Variants in SPEM3 observed in about 807,000 individuals in gnomAD.
SPEM3 encodes uncharacterized protein SPEM3.
Position 7,431,156 on chromosome 17 carries a change from G to A in SPEM3, c.1985G>A (p.Cys662Tyr). The change falls in exon 3 of 3, where the codon TGT becomes TAT. Residue 662 changes from cysteine (C) to tyrosine (Y), a missense_variant. Coordinates refer to ENST00000636696, the MANE Select transcript of SPEM3 (RefSeq NM_001364708.1). ...QPLIQPQCPE[C>Y]HESLGLTQDS... is the part of the protein sequence containing the mutation. Reference sequence around the variant, plus strand: ...CTGATCCAACCCCAATGCCCTGAATGTCATGAGAGTCTAGGCCTTACCCAA... The same window carrying A: ...CTGATCCAACCCCAATGCCCTGAATATCATGAGAGTCTAGGCCTTACCCAA... The A allele has an allele frequency of 5.0e-6, 2 of 398,538 alleles. No homozygotes were observed. The highest frequency in any genetic ancestry group is 8.8e-6 in the Non-Finnish European group (2 of 226,122). 24.7% of individuals were successfully genotyped at this position (398,538 alleles called of 1,614,324 possible). A position where few individuals can be genotyped will look rare whatever the true frequency, so the allele number is the denominator to read the frequency against.
rs4796305 is a variant in SPEM3, at chr17:7,432,736, T to G, written c.3565T>G (p.Ser1189Ala). The G allele has an allele frequency of 0.075, 29,757 of 398,586 alleles. 1,314 individuals carry two copies. Among genetic ancestry groups the G allele is most frequent in the South Asian group, 0.17 (1,313 of 7,844 alleles). The allele number at this position is 398,586 out of a possible 1,614,324, so 24.7% of individuals were successfully genotyped here. A position where few individuals can be genotyped will look rare whatever the true frequency, so the allele number is the denominator to read the frequency against. ...QEAPSNSGKP[S>A]RSGDIRM ...GGCACCCAGCAACTCGGGGAAACCA[T>G]CAAGGAGTGGGGATATCAGAATGTG... The change falls in exon 3 of 3, where the codon TCA becomes GCA. Residue 1189 changes from serine (S) to alanine (A), a missense_variant. Physicochemically the swap from Ser to Ala is moderately conservative, Grantham distance 99. Coordinates refer to ENST00000636696, the MANE Select transcript of SPEM3 (RefSeq NM_001364708.1). This position sits in a 1 kb window ranked among gnomAD's most constrained non-coding sequence, Gnocchi z 4.1.
chr17:7,432,194 A>C lies in SPEM3; in HGVS notation c.3023A>C (p.Tyr1008Ser), dbSNP rs572658477. The change falls in exon 3 of 3, where the codon TAC becomes TCC. Residue 1008 changes from tyrosine to serine, a missense_variant. Physicochemically the swap from Tyr to Ser is moderately radical, Grantham distance 144 (BLOSUM62 -2). Transcript: ENST00000636696. The surrounding 1 kb of genome is among the most constrained non-coding windows in gnomAD (Gnocchi z 4.1). ...GGCCTTACCCAGGAATCTGGCCCCT[A>C]CAAGAGCTCATGCCTCATCCCAGAT... ...ISGLTQESGPYKSSCLIPDPS... is the reference protein window; with the variant it reads ...ISGLTQESGPSKSSCLIPDPS... The C allele has an allele frequency of 2.5e-6, 1 of 398,668 alleles. No individual in the cohort carries two copies. Among genetic ancestry groups the C allele is most frequent in the Admixed American group, 4.4e-5 (1 of 22,732 alleles). 24.7% of individuals were successfully genotyped at this position (398,668 alleles called of 1,614,324 possible).
Position 7,429,983 on chromosome 17 carries a change from C to CA in SPEM3, c.812_813insA (p.Thr272TyrfsTer26). Reference sequence around the variant, plus strand: ...CAGGCCCAAGCCCACACCTCAGCCCCTACCCCAGCTCAGACGCCAGCCCAC... The same window carrying CA: ...CAGGCCCAAGCCCACACCTCAGCCCCATACCCCAGCTCAGACGCCAGCCCAC... On this transcript the variant is annotated frameshift_variant, in exon 3 of 3. Transcript: ENST00000636696. LOFTEE classifies it low-confidence loss of function (END_TRUNC). The surrounding 1 kb of genome is among the most constrained non-coding windows in gnomAD (Gnocchi z 4.9). 2.4e-6 allele frequency: 1 copy of CA among 423,360 alleles called. No individual in the cohort carries two copies. 26.2% of individuals were successfully genotyped at this position (423,360 alleles called of 1,614,324 possible).
Position 7,431,375 on chromosome 17 carries a change from G to T in SPEM3, c.2204G>T (p.Cys735Phe). The T allele has an allele frequency of 2.5e-6, 1 of 398,306 alleles. No individual in the cohort carries two copies. The highest frequency in any genetic ancestry group is 4.4e-6 in the Non-Finnish European group (1 of 226,014). 24.7% of individuals were successfully genotyped at this position (398,306 alleles called of 1,614,324 possible). ...FPGLPQDSYL[C>F]QNPSPSQDFG... is the part of the protein sequence containing the mutation. ...GGCCTTCCCCAAGATTCTTATCTCT[G>T]CCAGAATCCAAGCCCTTCTCAAGAC... The change falls in exon 3 of 3, where the codon TGC becomes TTC. Residue 735 changes from cysteine to phenylalanine, a missense_variant. Coordinates refer to ENST00000636696, the MANE Select transcript of SPEM3 (RefSeq NM_001364708.1).
At position 7,429,218 on chromosome 17, in the gene SPEM3, G is replaced by A. The variant is rs923169706; in HGVS notation, c.167G>A (p.Arg56Gln). The A allele has an allele frequency of 2.3e-5, 9 of 398,472 alleles. No homozygotes were observed. The highest frequency in any genetic ancestry group is 4.1e-5 in the African/African-American group (2 of 48,588). The allele number at this position is 398,472 out of a possible 1,614,324, so 24.7% of individuals were successfully genotyped here. A position where few individuals can be genotyped will look rare whatever the true frequency, so the allele number is the denominator to read the frequency against. The change falls in exon 2 of 3, where the codon CGG (arginine) becomes CAG (glutamine). Residue 56 changes from arginine to glutamine, a missense_variant. Transcript: ENST00000636696. The surrounding 1 kb of genome is among the most constrained non-coding windows in gnomAD (Gnocchi z 4.9). The part of the protein sequence containing the change: ...LLWKHLKSSL[R>Q]ILFRHFFPKD... ...TGGAAGCATCTGAAGAGCTCCTTGCGGATTCTTTTCCGTCATTTTTTCCCC... is the reference window on the plus strand; with the variant it reads ...TGGAAGCATCTGAAGAGCTCCTTGCAGATTCTTTTCCGTCATTTTTTCCCC...
Position 7,430,503 on chromosome 17 carries a change from C to A in SPEM3, c.1332C>A (p.Leu444=). The A allele has an allele frequency of 2.5e-6, 1 of 399,292 alleles. No homozygotes were observed. The highest frequency in any genetic ancestry group is 3.6e-5 in the East Asian group (1 of 28,092). The allele number at this position is 399,292 out of a possible 1,614,324, so 24.7% of individuals were successfully genotyped here. A position where few individuals can be genotyped will look rare whatever the true frequency, so the allele number is the denominator to read the frequency against. The change falls in exon 3 of 3, where the codon CTC becomes CTA. Residue 444 remains leucine (L), a synonymous_variant. Coordinates refer to ENST00000636696, the MANE Select transcript of SPEM3 (RefSeq NM_001364708.1). ...PSTPPAFSHD[L]STGHVVYDAR... is the part of the protein sequence containing the mutation. ...CCCCACCTGCCTTCAGCCATGACCT[C>A]TCCACTGGCCATGTGGTCTATGATG... is the stretch of plus-strand genomic sequence containing the variant.
In SPEM3 at chr17:7,430,599, G is replaced by C; in HGVS notation, c.1428G>C (p.Leu476Phe). ...PQNPEYSRKD[L>F]ATLFRPQEGQ... is the part of the protein sequence containing the mutation. ...ACCCTGAGTATTCAAGAAAAGACTTGGCTACCCTCTTCAGGCCCCAAGAGG... is the reference window on the plus strand; with the variant it reads ...ACCCTGAGTATTCAAGAAAAGACTTCGCTACCCTCTTCAGGCCCCAAGAGG... Residue 476 changes from leucine to phenylalanine, a missense_variant, in exon 3 of 3, where the codon TTG becomes TTC. Leu to Phe is a conservative substitution (Grantham distance 22, BLOSUM62 0). Transcript: ENST00000636696. 1 of 398,770 alleles carries C rather than the reference G, an allele frequency of 2.5e-6. No individual in the cohort carries two copies. Among genetic ancestry groups the C allele is most frequent in the East Asian group, 3.6e-5 (1 of 28,082 alleles). The allele number at this position is 398,770 out of a possible 1,614,324, so 24.7% of individuals were successfully genotyped here. A position where few individuals can be genotyped will look rare whatever the true frequency, so the allele number is the denominator to read the frequency against.
Position 7,429,708 on chromosome 17 carries a change from G to GAGCAAGT in SPEM3, c.538_544dup (p.Leu182Ter). On this transcript the variant is annotated frameshift_variant, in exon 3 of 3. Coordinates refer to ENST00000636696, the MANE Select transcript of SPEM3 (RefSeq NM_001364708.1). LOFTEE classifies it low-confidence loss of function (END_TRUNC). This position sits in a 1 kb window ranked among gnomAD's most constrained non-coding sequence, Gnocchi z 4.9. The stretch of plus-strand genomic sequence containing the variant: ...AGACATCTTCCCAGTTCCCAAAGAT[G>GAGCAAGT]AGCAAGTTGGACACGGGTCCATGCC... The GAGCAAGT allele has an allele frequency of 2.5e-6, 1 of 398,954 alleles. No homozygotes were observed. The highest frequency in any genetic ancestry group is 4.4e-6 in the Non-Finnish European group (1 of 226,388). 24.7% of individuals were successfully genotyped at this position (398,954 alleles called of 1,614,324 possible).
Position 7,428,896 on chromosome 17 carries a change from C to T in SPEM3, c.-7C>T. On this transcript the variant is annotated 5_prime_UTR_variant, in exon 1 of 3. Transcript: ENST00000636696. ...CGGGGGCCTAGGCAGTCCTGGGACC[C>T]CAGGCCATGGGTGAGCGAGCCTATC... The T allele has an allele frequency of 2.5e-6, 1 of 398,696 alleles. No individual in the cohort carries two copies. The highest frequency in any genetic ancestry group is 4.4e-6 in the Non-Finnish European group (1 of 226,114). The allele number at this position is 398,696 out of a possible 1,614,324, so 24.7% of individuals were successfully genotyped here.
At position 7,432,460 on chromosome 17, in the gene SPEM3, G is replaced by A. The variant is rs1446344392; in HGVS notation, c.3289G>A (p.Val1097Ile). The change falls in exon 3 of 3, where the codon GTA (valine) becomes ATA (isoleucine). Residue 1097 changes from valine (V) to isoleucine (I), a missense_variant. Physicochemically the swap from Val to Ile is conservative, Grantham distance 29 (BLOSUM62 3). Transcript: ENST00000636696. This position sits in a 1 kb window ranked among gnomAD's most constrained non-coding sequence, Gnocchi z 4.1. The part of the protein sequence containing the change: ...NDLQTFSEVP[V>I]LIELQSSSWR... The stretch of plus-strand genomic sequence containing the variant: ...CCTGCAGACCTTCTCAGAGGTACCT[G>A]TATTAATTGAGCTGCAGTCATCCTC... 2.5e-6 allele frequency: 1 copy of A among 398,718 alleles called. No individual in the cohort carries two copies. The highest frequency in any genetic ancestry group is 3.6e-5 in the East Asian group (1 of 28,088). 24.7% of individuals were successfully genotyped at this position (398,718 alleles called of 1,614,324 possible).
At position 7,429,112 on chromosome 17, in the gene SPEM3, T is replaced by C. The variant is rs1422801623; in HGVS notation, c.138+72T>C. On this transcript the variant is annotated intron_variant, in intron 1 of 2. Coordinates refer to ENST00000636696, the MANE Select transcript of SPEM3 (RefSeq NM_001364708.1). This position sits in a 1 kb window ranked among gnomAD's most constrained non-coding sequence, Gnocchi z 4.9. ...TGAAGGGGCTGAGGTGGGAGGGCTG[T>C]TGGGGTGTGGCCAGATAAGAGTTGG... 7.5e-6 allele frequency: 3 copies of C among 398,784 alleles called. No individual in the cohort carries two copies. The highest frequency in any genetic ancestry group is 6.2e-5 in the African/African-American group (3 of 48,636). The allele number at this position is 398,784 out of a possible 1,614,324, so 24.7% of individuals were successfully genotyped here. A position where few individuals can be genotyped will look rare whatever the true frequency, so the allele number is the denominator to read the frequency against.
Position 7,431,119 on chromosome 17 carries a change from AT to A in SPEM3, c.1951del (p.Ser651ProfsTer4). 1 of 398,610 alleles carries A rather than the reference AT, an allele frequency of 2.5e-6. No homozygotes were observed. The highest frequency in any genetic ancestry group is 4.4e-6 in the Non-Finnish European group (1 of 226,198). 24.7% of individuals were successfully genotyped at this position (398,610 alleles called of 1,614,324 possible). A position where few individuals can be genotyped will look rare whatever the true frequency, so the allele number is the denominator to read the frequency against. The part of the protein sequence containing the change: ...QFPIPSLFAT[I>X]SQPLIQPQCP... ...CCCCATCCCTTCCCTGTTCGCCACC[AT>A]TTCCCAACCCCTGATCCAACCCCAA... On this transcript the variant is annotated frameshift_variant, in exon 3 of 3. Transcript: ENST00000636696. LOFTEE classifies it low-confidence loss of function (END_TRUNC).
Position 7,432,431 on chromosome 17 carries a change from A to G in SPEM3, c.3260A>G (p.Asn1087Ser), listed in dbSNP as rs1907860507. 2.5e-6 allele frequency: 1 copy of G among 398,680 alleles called. No homozygotes were observed. Among genetic ancestry groups the G allele is most frequent in the Non-Finnish European group, 4.4e-6 (1 of 226,084 alleles). 24.7% of individuals were successfully genotyped at this position (398,680 alleles called of 1,614,324 possible). ...SCPSKAQVVS[N>S]DLQTFSEVPV... ...CCTTCCAAGGCCCAAGTGGTCTCCA[A>G]TGACCTGCAGACCTTCTCAGAGGTA... The change falls in exon 3 of 3, where the codon AAT (asparagine) becomes AGT (serine). Residue 1087 changes from asparagine (N) to serine (S), a missense_variant. Coordinates refer to ENST00000636696, the MANE Select transcript of SPEM3 (RefSeq NM_001364708.1). This position sits in a 1 kb window ranked among gnomAD's most constrained non-coding sequence, Gnocchi z 4.1.
At position 7,431,005 on chromosome 17, in the gene SPEM3, A is replaced by C; in HGVS notation, c.1834A>C (p.Thr612Pro). ...PPRSFVPPQPTNHQRPSTLIQ... is the reference protein window; with the variant it reads ...PPRSFVPPQPPNHQRPSTLIQ... ...CAGATCCTTTGTCCCTCCTCAACCCACCAACCATCAGAGGCCTTCCACCTT... is the reference window on the plus strand; with the variant it reads ...CAGATCCTTTGTCCCTCCTCAACCCCCCAACCATCAGAGGCCTTCCACCTT... Residue 612 changes from threonine to proline, a missense_variant, in exon 3 of 3, where the codon ACC becomes CCC. Thr to Pro is a conservative substitution (Grantham distance 38). Transcript: ENST00000636696. 1 of 398,456 alleles carries C rather than the reference A, an allele frequency of 2.5e-6. No individual in the cohort carries two copies. The highest frequency in any genetic ancestry group is 4.4e-6 in the Non-Finnish European group (1 of 226,150). 24.7% of individuals were successfully genotyped at this position (398,456 alleles called of 1,614,324 possible).
rs1168893906 is a variant in SPEM3, at chr17:7,432,161, A to G, written c.2990A>G (p.Lys997Arg). The G allele has an allele frequency of 2.5e-5, 10 of 398,554 alleles. No individual in the cohort carries two copies. Among genetic ancestry groups the G allele is most frequent in the East Asian group, 2.5e-4 (7 of 28,100 alleles). The allele number at this position is 398,554 out of a possible 1,614,324, so 24.7% of individuals were successfully genotyped here. Residue 997 changes from lysine (K) to arginine (R), a missense_variant, in exon 3 of 3, where the codon AAG (lysine) becomes AGG (arginine). Transcript: ENST00000636696. The surrounding 1 kb of genome is among the most constrained non-coding windows in gnomAD (Gnocchi z 4.1). Reference sequence around the variant, plus strand: ...CTTGTCCAAGACTCTGGCCTCCCCAAGATTTCAGGCCTTACCCAGGAATCT... The same window carrying G: ...CTTGTCCAAGACTCTGGCCTCCCCAGGATTTCAGGCCTTACCCAGGAATCT... Reference protein sequence around the residue: ...PALVQDSGLPKISGLTQESGP... With the variant: ...PALVQDSGLPRISGLTQESGP...
chr17:7,432,491 G>A lies in SPEM3; in HGVS notation c.3320G>A (p.Arg1107Gln), dbSNP rs190608465. 2.9e-4 allele frequency: 116 copies of A among 398,678 alleles called. No individual in the cohort carries two copies. Among genetic ancestry groups the A allele is most frequent in the African/African-American group, 1.9e-3 (93 of 48,742 alleles). 24.7% of individuals were successfully genotyped at this position (398,678 alleles called of 1,614,324 possible). ...ATTGAGCTGCAGTCATCCTCCTGGC[G>A]GGCAGGCAGCCAGCACGGGGCGTAC... ...VLIELQSSSW[R>Q]AGSQHGAYRP... The change falls in exon 3 of 3, where the codon CGG (arginine) becomes CAG (glutamine). Residue 1107 changes from arginine to glutamine, a missense_variant. Transcript: ENST00000636696. This position sits in a 1 kb window ranked among gnomAD's most constrained non-coding sequence, Gnocchi z 4.1.
rs1007288845 is a variant in SPEM3, at chr17:7,431,026, A to G, written c.1855A>G (p.Thr619Ala). The G allele has an allele frequency of 5.0e-6, 2 of 398,270 alleles. No homozygotes were observed. The highest frequency in any genetic ancestry group is 8.8e-5 in the Admixed American group (2 of 22,672). 24.7% of individuals were successfully genotyped at this position (398,270 alleles called of 1,614,324 possible). The stretch of plus-strand genomic sequence containing the variant: ...ACCCACCAACCATCAGAGGCCTTCC[A>G]CCTTAATACAAACCCCTACTGTTCT... ...PQPTNHQRPS[T>A]LIQTPTVLPT... The change falls in exon 3 of 3, where the codon ACC becomes GCC. Residue 619 changes from threonine to alanine, a missense_variant. By Grantham distance (58) the Thr-to-Ala change is moderately conservative. Transcript: ENST00000636696.
Position 7,430,730 on chromosome 17 carries a change from A to G in SPEM3, c.1559A>G (p.Asn520Ser). 1 of 398,724 alleles carries G rather than the reference A, an allele frequency of 2.5e-6. No homozygotes were observed. The allele number at this position is 398,724 out of a possible 1,614,324, so 24.7% of individuals were successfully genotyped here. ...ATACTGGGCTACCTGGAGTTGAGGA[A>G]TATGGAATGGAAGAACTCAGATGAT... ...GSILGYLELRNMEWKNSDDAK... is the reference protein window; with the variant it reads ...GSILGYLELRSMEWKNSDDAK... Residue 520 changes from asparagine (N) to serine (S), a missense_variant, in exon 3 of 3, where the codon AAT (asparagine) becomes AGT (serine). Asn to Ser is a conservative substitution (Grantham distance 46). Transcript: ENST00000636696.
Position 7,430,277 on chromosome 17 carries a change from T to C in SPEM3, c.1106T>C (p.Val369Ala), listed in dbSNP as rs1907788645. ...CACTCTCATCTAGTCCGCAGCTCCGTTCCTGTCCCAACCTCTGCCCCAGCT... is the reference window on the plus strand; with the variant it reads ...CACTCTCATCTAGTCCGCAGCTCCGCTCCTGTCCCAACCTCTGCCCCAGCT... ...PDHSHLVRSSVPVPTSAPAPP... is the reference protein window; with the variant it reads ...PDHSHLVRSSAPVPTSAPAPP... The change falls in exon 3 of 3, where the codon GTT (valine) becomes GCT (alanine). Residue 369 changes from valine (V) to alanine (A), a missense_variant. Coordinates refer to ENST00000636696, the MANE Select transcript of SPEM3 (RefSeq NM_001364708.1). 2 of 410,568 alleles carry C rather than the reference T, an allele frequency of 4.9e-6. No homozygotes were observed. Among genetic ancestry groups the C allele is most frequent in the Non-Finnish European group, 8.6e-6 (2 of 233,170 alleles). 25.4% of individuals were successfully genotyped at this position (410,568 alleles called of 1,614,324 possible).
Sources: gnomAD v4.1 joint callset for allele counts on GRCh38, gnomAD v4.1.1 for gene constraint, Gnocchi (gnomAD v3.1) non-coding constraint, MANE v1.5 for transcripts, NCBI Gene and HGNC (gene_info 2026-07-23, HGNC 2026-07-21) for gene names.